MOSPD2: variants seen among roughly 807,000 people sequenced by gnomAD.
MOSPD2 encodes the protein motile sperm domain containing 2, also known as motile sperm domain-containing protein 2.
Under a neutral mutation model 41.7 loss-of-function variants are expected in MOSPD2, and 5 were observed. The observed-to-expected ratio is 0.12, with a 90% CI of 0.06 to 0.25. The LOEUF (loss-of-function observed/expected upper bound fraction) is 0.25. MOSPD2 is among the 10% of genes least tolerant of loss of function. The pLI is 1.00. For missense variants in MOSPD2, 282 were observed against 375.2 expected (o/e 0.75, Z 2.05); for synonymous variants, 115 against 126.9 (o/e 0.91, Z 0.63).
chrX:14,919,213 AAAG>A (rs1455450537), intron 14 of MOSPD2, among the ~76,000 whole-genome samples: 1 of 111,839 alleles, frequency 8.9e-6, no homozygotes, highest in Non-Finnish European at 1.9e-5. Context: ...CTCAATAAAA[AAAG>A]AAAAGAAATG....
chrX:14,888,550 T>C (rs1423413091), intron 2 of MOSPD2, among the ~76,000 whole-genome samples: 1 of 111,411 alleles, frequency 9.0e-6, no homozygotes, highest in Non-Finnish European at 1.9e-5. Flanking sequence ...TCCCTAGCCA[T>C]GTGGAACTGT....
At position 14,920,348 on chromosome X, in the gene MOSPD2, G is replaced by T. The variant is rs1464892588; in HGVS notation, c.*539G>T. The T allele has an allele frequency of 5.3e-6, 4 of 751,600 alleles. No individual in the cohort carries two copies. 61.9% of individuals were successfully genotyped at this position (751,600 alleles called of 1,213,427 possible). A position where few individuals can be genotyped will look rare whatever the true frequency, so the allele number is the denominator to read the frequency against. On this transcript the variant is annotated 3_prime_UTR_variant, in exon 15 of 15. Coordinates refer to ENST00000380492, the MANE Select transcript of MOSPD2 (RefSeq NM_152581.4). ...AATTTTGAGAATTCCTCCCAGTGATGGTCAGTATTCTTTTGGAATGTAAAC... is the reference window on the plus strand; with the variant it reads ...AATTTTGAGAATTCCTCCCAGTGATTGTCAGTATTCTTTTGGAATGTAAAC...
intron 13 of MOSPD2, among the ~76,000 whole-genome samples, chrX:14,916,529 G>A (rs756787859): frequency 4.5e-5 from 5 of 112,306 alleles, no homozygotes; most frequent in Non-Finnish European, 7.5e-5. Context: ...CAGTGCAAGA[G>A]TCTGGATCTG....
intron 2 of MOSPD2, among the ~76,000 whole-genome samples, chrX:14,890,469 A>G (rs755472649): frequency 9.0e-6 from 1 of 111,562 alleles, no homozygotes; most frequent in African/African-American, 3.3e-5. Flanking sequence ...AATCTCTAAG[A>G]TTACCTACCA....
intron 7 of MOSPD2, among the ~76,000 whole-genome samples, chrX:14,906,038 G>C (rs1388632260): frequency 1.8e-5 from 2 of 111,646 alleles, no homozygotes; most frequent in African/African-American, 6.5e-5. Flanking sequence ...ATTCAGTGCA[G>C]TCCCTATCAA....
At chrX:14,878,262 A>G (rs2092524901) in intron 2 of MOSPD2, among the ~76,000 whole-genome samples, 1 of 111,424 alleles carries the variant, frequency 9.0e-6, no homozygotes, top group Non-Finnish European at 1.9e-5. Context: ...AAGAGTGTTT[A>G]TATTGTTCAG....
chrX:14,894,253 T>C (rs975767057), intron 3 of MOSPD2, among the ~76,000 whole-genome samples: 1 of 108,758 alleles, frequency 9.2e-6, no homozygotes, highest in Non-Finnish European at 1.9e-5. Context: ...CACCTCAGCC[T>C]CCTGAGTAGC....
At chrX:14,911,047 G>T (rs772036886) in intron 8 of MOSPD2, among the ~76,000 whole-genome samples, 190 bp from the exon 9 acceptor site, 1 of 111,281 alleles carries the variant, frequency 9.0e-6, no homozygotes, top group African/African-American at 3.3e-5. Flanking sequence ...ATTCTGTATA[G>T]ATGGCTAGCC....
In MOSPD2 at chrX:14,920,215, A is replaced by G. The variant is rs2092607169; in HGVS notation, c.*406A>G. ...TCTGCTTTTTTATGACAGAATTATT[A>G]TAGCTGAGCTGACTTACTAGCTTTT... On this transcript the variant is annotated 3_prime_UTR_variant, in exon 15 of 15. Transcript: ENST00000380492. 2 of 753,730 alleles carry G rather than the reference A, an allele frequency of 2.7e-6. No individual in the cohort carries two copies. The highest frequency in any genetic ancestry group is 3.1e-6 in the Non-Finnish European group (2 of 638,294). 62.1% of individuals were successfully genotyped at this position (753,730 alleles called of 1,213,427 possible).
intron 2 of MOSPD2, among the ~76,000 whole-genome samples, chrX:14,880,533 G>A (rs1216531794): frequency 2.7e-5 from 3 of 111,562 alleles, no homozygotes; most frequent in African/African-American, 9.8e-5. Context: ...AGTGATAATA[G>A]CCTACTTATC....
chrX:14,898,022 G>C (rs1357524855), intron 5 of MOSPD2, among the ~76,000 whole-genome samples: 1 of 111,888 alleles, frequency 8.9e-6, no homozygotes, highest in Non-Finnish European at 1.9e-5. Flanking sequence ...ATTCCATTTG[G>C]CAAATTATGT....
At chrX:14,894,644 AG>A (rs1172915417) in intron 3 of MOSPD2, among the ~76,000 whole-genome samples, 2 of 110,237 alleles carry the variant, frequency 1.8e-5, no homozygotes, top group African/African-American at 6.6e-5. Flanking sequence ...CTTTGTAGAG[AG>A]GTTGTCTCAC....
At chrX:14,912,925 T>C (rs866121133) in intron 10 of MOSPD2, among the ~76,000 whole-genome samples, 6 of 112,351 alleles carry the variant, frequency 5.3e-5, no homozygotes, top group South Asian at 3.6e-4. Flanking sequence ...ACCAACTTTA[T>C]GATCTCATGT....
At position 14,901,502 on chromosome X, in the gene MOSPD2, G is replaced by A. The variant is rs753958173; in HGVS notation, c.538+867G>A. Among the ~76,000 whole-genome samples, 6 of 111,386 alleles carry A rather than the reference G, an allele frequency of 5.4e-5. No homozygotes were observed. The South Asian group carries it at 1.5e-3, about 28-fold the overall frequency. On this transcript the variant is annotated intron_variant, in intron 6 of 14. Transcript: ENST00000380492. Reference sequence around the variant, plus strand: ...GGCATGTTAATTTTATTGTTAATGTGAAGTGAGGAATAGACAAAAAGCATA... The same window carrying A: ...GGCATGTTAATTTTATTGTTAATGTAAAGTGAGGAATAGACAAAAAGCATA...
At chrX:14,891,862 T>C (rs2092554605) in intron 2 of MOSPD2, among the ~76,000 whole-genome samples, 2 of 111,835 alleles carry the variant, frequency 1.8e-5, no homozygotes, top group Admixed American at 1.9e-4. Context: ...CCACCACACC[T>C]GGCCTACTTA....
chrX:14,904,482 G>A (rs1396303426), intron 7 of MOSPD2, among the ~76,000 whole-genome samples: 1 of 111,674 alleles, frequency 9.0e-6, no homozygotes, highest in East Asian at 2.8e-4. Flanking sequence ...CAACTACCAA[G>A]TTAGACCACA....
rs531044193 is a variant in MOSPD2 at position 14,900,824 on chromosome X, T to C, written c.538+189T>C. Among the ~76,000 whole-genome samples, 4 of 111,888 alleles carry C rather than the reference T, an allele frequency of 3.6e-5. No individual in the cohort carries two copies. In the South Asian group the frequency reaches 1.5e-3, roughly 41 times the overall value. ...GAAAGTTTTTCATAAGTATTCATTG[T>C]CCTTCACAGTTAATTTTAAGAGTTT... is the stretch of plus-strand genomic sequence containing the variant. On this transcript the variant is annotated intron_variant, in intron 6 of 14. Transcript: ENST00000380492.
chrX:14,919,868 G>A lies in MOSPD2; in HGVS notation c.*59G>A. The A allele has an allele frequency of 2.6e-6, 3 of 1,152,465 alleles. No homozygotes were observed. The South Asian group carries it at 6.5e-5, about 25-fold the overall frequency. 95.0% of individuals were successfully genotyped at this position (1,152,465 alleles called of 1,213,427 possible). A position where few individuals can be genotyped will look rare whatever the true frequency, so the allele number is the denominator to read the frequency against. ...CGTCCATTAGTTGGAAAAAGTAACAGACCTAAAACTCTACCAAGCTACTAA... is the reference window on the plus strand; with the variant it reads ...CGTCCATTAGTTGGAAAAAGTAACAAACCTAAAACTCTACCAAGCTACTAA... On this transcript the variant is annotated 3_prime_UTR_variant, in exon 15 of 15. Transcript: ENST00000380492.
At chrX:14,874,517 G>A (rs1468122987) in intron 2 of MOSPD2, 2 of 111,546 alleles carry the variant, frequency 1.8e-5, no homozygotes, top group African/African-American at 6.5e-5. Context: ...TTCTGAGCCC[G>A]TTTTCATATC....
Sources: allele counts gnomAD v4.1 joint callset (sites outside exome capture counted in the v4.1 genomes callset), GRCh38; gene constraint gnomAD v4.1.1; transcripts MANE v1.5; gene names NCBI Gene and HGNC (gene_info 2026-07-23, HGNC 2026-07-21).